Variants in RAET1L observed in about 807,000 individuals in gnomAD.
RAET1L encodes the protein UL16-binding protein 6.
In RAET1L, 16 loss-of-function variants were observed where a neutral mutation model predicts 23.9. The ratio of observed to expected loss-of-function variants is 0.67; its 90% CI spans 0.45 to 1.02. RAET1L has a LOEUF of 1.02. Among genes scored for constraint, RAET1L ranks in the 50% least tolerant of loss-of-function variants. The pLI, the probability that RAET1L is intolerant of heterozygous loss-of-function variation, is 0.00. For synonymous variants in RAET1L, 70 were observed against 111.2 expected, an observed-to-expected ratio of 0.63 and a Z score of 2.33; for missense variants, 233 against 304.0, an observed-to-expected ratio of 0.77 and a Z score of 1.74.
At chr6:150,023,244 AG>A (rs1562509427) in intron 1 of RAET1L, among the ~76,000 whole-genome samples, 2 of 152,172 alleles carry the variant, frequency 1.3e-5, no homozygotes, top group Non-Finnish European at 2.9e-5. Flanking sequence ...AGGGGTCCAA[AG>A]TCCAAAAGAG....
chr6:150,021,686 G>C (rs1338008523), intron 2 of RAET1L, among the ~76,000 whole-genome samples: 1 of 141,090 alleles, frequency 7.1e-6, no homozygotes, highest in Non-Finnish European at 1.5e-5. Flanking sequence ...GCGTCTGCCT[G>C]CCGGGTTCAA....
intron 4 of RAET1L, among the ~76,000 whole-genome samples, chr6:150,019,460 G>A (rs1423907173): frequency 1.3e-5 from 2 of 152,208 alleles, no homozygotes; most frequent in South Asian, 2.1e-4. Flanking sequence ...GTGCAGGAGT[G>A]TGATGGCAGG....
rs1327922731 is a variant in RAET1L at position 150,018,649 on chromosome 6, A to G, written c.*229T>C. The stretch of plus-strand genomic sequence containing the variant: ...GAATTCCATCAGGTAGCACCAAGAG[A>G]AAATTGCATAATATGTTAGGAATAA... On this transcript the variant is annotated 3_prime_UTR_variant, in exon 5 of 5. Coordinates refer to ENST00000367341, the MANE Select transcript of RAET1L (RefSeq NM_130900.3). The G allele has an allele frequency of 6.5e-6, 1 of 153,120 alleles. No individual in the cohort carries two copies. Among genetic ancestry groups the G allele is most frequent in the Admixed American group, 6.5e-5 (1 of 15,296 alleles). The allele number at this position is 153,120 out of a possible 1,614,324, so 9.5% of individuals were successfully genotyped here.
In RAET1L at chr6:150,021,047, A is replaced by C. The variant is rs762618465; in HGVS notation, c.489T>G (p.Pro163=). 3 of 1,614,200 alleles carry C rather than the reference A, an allele frequency of 1.9e-6. No homozygotes were observed. In the Admixed American group the frequency reaches 5.0e-5, roughly 27 times the overall value. Reference sequence around the variant, plus strand: ...ACTTTTCTTTCATCTTTCTGGCTCCAGGATGAACCGTTGTCCACATTCTCT... The same window carrying C: ...ACTTTTCTTTCATCTTTCTGGCTCCCGGATGAACCGTTGTCCACATTCTCT... ...SEKRMWTTVH[P]GARKMKEKWE... The change falls in exon 3 of 5, where the codon CCT becomes CCG. Residue 163 remains proline (P), a synonymous_variant. Transcript: ENST00000367341.
rs1171569768 is a variant in RAET1L, at chr6:150,018,770, A to T, written c.*108T>A. 1 of 249,246 alleles carries T rather than the reference A, an allele frequency of 4.0e-6. No individual in the cohort carries two copies. Among genetic ancestry groups the T allele is most frequent in the African/African-American group, 2.3e-5 (1 of 42,770 alleles). The allele number at this position is 249,246 out of a possible 1,614,324, so 15.4% of individuals were successfully genotyped here. A position where few individuals can be genotyped will look rare whatever the true frequency, so the allele number is the denominator to read the frequency against. Reference sequence around the variant, plus strand: ...ATCTGCTGGAGGCTGCTGGACATACACCGTAGGTGGTGGGCAGCTGGCCAG... The same window carrying T: ...ATCTGCTGGAGGCTGCTGGACATACTCCGTAGGTGGTGGGCAGCTGGCCAG... On this transcript the variant is annotated 3_prime_UTR_variant, in exon 5 of 5. Coordinates refer to ENST00000367341, the MANE Select transcript of RAET1L (RefSeq NM_130900.3).
In RAET1L at chr6:150,025,484, G is replaced by T; in HGVS notation, c.-13C>A. ...CGGCTGCTGCCATTGGGGACCAGGA[G>T]GGCTGGGGACAAGAGATTTAATCAA... On this transcript the variant is annotated 5_prime_UTR_variant, in exon 1 of 5. Transcript: ENST00000367341. 6.2e-7 allele frequency: 1 copy of T among 1,609,636 alleles called. No individual in the cohort carries two copies. The highest frequency in any genetic ancestry group is 1.7e-5 in the Admixed American group (1 of 59,966).
chr6:150,023,054 G>A (rs1336641239), intron 1 of RAET1L, among the ~76,000 whole-genome samples: 1 of 133,738 alleles, frequency 7.5e-6, no homozygotes, highest in Non-Finnish European at 1.6e-5. Flanking sequence ...GGTAGGAGAT[G>A]CTGTTCCTGA....
At chr6:150,020,495 G>A (rs1466673490) in intron 3 of RAET1L, among the ~76,000 whole-genome samples, 1 of 152,190 alleles carries the variant, frequency 6.6e-6, no homozygotes, top group Non-Finnish European at 1.5e-5. Context: ...GGGAAGAGGA[G>A]GTGATGCCCC....
chr6:150,020,575 G>A (rs1779872838), intron 3 of RAET1L, among the ~76,000 whole-genome samples: 1 of 152,116 alleles, frequency 6.6e-6, no homozygotes, highest in Non-Finnish European at 1.5e-5. Context: ...AACCAGACCA[G>A]GGAAAGGAAA....
At chr6:150,020,408 G>T (rs927710731) in intron 3 of RAET1L, among the ~76,000 whole-genome samples, 169 bp from the exon 4 acceptor site, 18 of 152,138 alleles carry the variant, frequency 1.2e-4, no homozygotes, top group African/African-American at 4.1e-4. Flanking sequence ...GGGAGACGGG[G>T]TGTGTCTTGT....
intron 1 of RAET1L, 65 bp downstream of exon 1, chr6:150,025,322 C>A (rs1343470445): frequency 2.2e-6 from 3 of 1,393,862 alleles, no homozygotes; most frequent in Non-Finnish European, 3.0e-6. Flanking sequence ...CCTCTGAAAC[C>A]CGCTGCAGTC....
intron 1 of RAET1L, among the ~76,000 whole-genome samples, chr6:150,023,897 G>A (rs1779915326): frequency 6.6e-6 from 1 of 152,182 alleles, no homozygotes; most frequent in Admixed American, 6.5e-5. Context: ...TGAAGCTTAG[G>A]GATGCCTATT....
At chr6:150,023,044 G>A (rs1779906509) in intron 1 of RAET1L, among the ~76,000 whole-genome samples, 1 of 131,400 alleles carries the variant, frequency 7.6e-6, no homozygotes, top group Admixed American at 7.9e-5. Flanking sequence ...CAGGGTTGGG[G>A]GTAGGAGATG....
chr6:150,023,421 A>C (rs1779910229), intron 1 of RAET1L, among the ~76,000 whole-genome samples: 1 of 151,874 alleles, frequency 6.6e-6, no homozygotes, highest in African/African-American at 2.4e-5. Context: ...ATAAGAAGAC[A>C]CCAGTTTCTA....
In RAET1L at chr6:150,018,362, A is replaced by C. The variant is rs543244972; in HGVS notation, c.*516T>G. The C allele has an allele frequency of 1.2e-4, 18 of 152,348 alleles. No individual in the cohort carries two copies. The highest frequency in any genetic ancestry group is 3.3e-4 in the Admixed American group (5 of 15,310). The allele number at this position is 152,348 out of a possible 1,614,324, so 9.4% of individuals were successfully genotyped here. A position where few individuals can be genotyped will look rare whatever the true frequency, so the allele number is the denominator to read the frequency against. On this transcript the variant is annotated 3_prime_UTR_variant, in exon 5 of 5. Coordinates refer to ENST00000367341, the MANE Select transcript of RAET1L (RefSeq NM_130900.3). Reference sequence around the variant, plus strand: ...TTGGGAAATATAACTCTTTATTTAAATATCAGTACACAGCAATAAATTACT... The same window carrying C: ...TTGGGAAATATAACTCTTTATTTAACTATCAGTACACAGCAATAAATTACT...
chr6:150,019,085 C>T (rs1347560620), intron 4 of RAET1L, among the ~76,000 whole-genome samples: 1 of 152,174 alleles, frequency 6.6e-6, no homozygotes, highest in Non-Finnish European at 1.5e-5. Context: ...AGTGGAGGGG[C>T]CCACAGGTCT....
At position 150,020,217 on chromosome 6, in the gene RAET1L, G is replaced by A; in HGVS notation, c.654C>T (p.Gly218=). 6.5e-7 allele frequency: 1 copy of A among 1,528,164 alleles called. No individual in the cohort carries two copies. The highest frequency in any genetic ancestry group is 8.9e-7 in the Non-Finnish European group (1 of 1,123,530). 94.7% of individuals were successfully genotyped at this position (1,528,164 alleles called of 1,614,324 possible). A position where few individuals can be genotyped will look rare whatever the true frequency, so the allele number is the denominator to read the frequency against. ...SAGAPLAMSS[G]TTQLRATATT... ...TGGCTGTGGCCCTGAGTTGGGTTGT[G>A]CCTGAGGACATGGCGAGTGGTGCTG... The change falls in exon 4 of 5, where the codon GGC becomes GGT. Residue 218 remains glycine, a synonymous_variant. Transcript: ENST00000367341.
At chr6:150,019,566 A>G (rs1268831971) in intron 4 of RAET1L, among the ~76,000 whole-genome samples, 1 of 128,192 alleles carries the variant, frequency 7.8e-6, no homozygotes, top group Non-Finnish European at 1.8e-5. Flanking sequence ...TTCACCTTCC[A>G]CCTACTTTCT....
At chr6:150,021,833 C>A (rs780116489) in intron 2 of RAET1L, 147 bp downstream of exon 2, 2 of 1,241,826 alleles carry the variant, frequency 1.6e-6, no homozygotes, top group Non-Finnish European at 2.3e-6. Flanking sequence ...ACCTTGTGAT[C>A]GGCCCACCTC....
Sources: gnomAD v4.1 joint callset for allele counts (sites outside exome capture counted in the v4.1 genomes callset) on GRCh38, gnomAD v4.1.1 for gene constraint, MANE v1.5 for transcripts, NCBI Gene and HGNC (gene_info 2026-07-23, HGNC 2026-07-21) for gene names.